The following FRMD3 variants were observed in gnomAD, a reference collection of about 807,000 sequenced individuals.
FRMD3 encodes FERM domain containing 3.
Under a neutral mutation model 70.2 loss-of-function variants are expected in FRMD3, and 33 were observed. That is an observed-to-expected ratio of 0.47 (90% CI 0.36 to 0.63). The LOEUF (loss-of-function observed/expected upper bound fraction) is 0.63. Ranked by LOEUF, FRMD3 falls within the 20% of genes least tolerant of loss-of-function variation. FRMD3 has a pLI of 0.00. For synonymous variants in FRMD3, 279 were observed against 255.9 expected, an observed-to-expected ratio of 1.09 and a Z score of -0.86; for missense variants, 632 against 711.4, an observed-to-expected ratio of 0.89 and a Z score of 1.27.
chr9:83,405,371 T>G (rs1294680906), intron 1 of FRMD3, among the ~76,000 whole-genome samples: 1 of 152,086 alleles, frequency 6.6e-6, no homozygotes, highest in Non-Finnish European at 1.5e-5. Context: ...GGGCTTACAG[T>G]GATCCACTTA....
chr9:83,443,040 T>C (rs1046001426), intron 1 of FRMD3, among the ~76,000 whole-genome samples: 1 of 152,212 alleles, frequency 6.6e-6, no homozygotes, highest in Non-Finnish European at 1.5e-5. Flanking sequence ...GATATAAATA[T>C]AGAAATAGTG....
chr9:83,352,130 A>G (rs1824182516), intron 3 of FRMD3, among the ~76,000 whole-genome samples: 1 of 152,184 alleles, frequency 6.6e-6, no homozygotes, highest in Non-Finnish European at 1.5e-5. Flanking sequence ...TTGTTTTCAC[A>G]CTTTTGCAAT....
chr9:83,483,914 CTG>C (rs1250353108), intron 1 of FRMD3, among the ~76,000 whole-genome samples: 1 of 152,112 alleles, frequency 6.6e-6, no homozygotes, highest in Non-Finnish European at 1.5e-5. Flanking sequence ...TGTTCTGAGC[CTG>C]TACTCTTCCT....
intron 1 of FRMD3, among the ~76,000 whole-genome samples, chr9:83,444,950 T>G (rs548154058): frequency 6.6e-6 from 1 of 152,358 alleles, no homozygotes; most frequent in African/African-American, 2.4e-5. Flanking sequence ...ATACCTGTGG[T>G]TGGCTCTTTC....
chr9:83,337,982 A>C (rs1228461481), intron 5 of FRMD3, among the ~76,000 whole-genome samples: 1 of 152,270 alleles, frequency 6.6e-6, no homozygotes, highest in Non-Finnish European at 1.5e-5. Flanking sequence ...AGAGATGACA[A>C]CTTGAAAGAA....
chr9:83,479,885 C>T (rs1328009539), intron 1 of FRMD3, among the ~76,000 whole-genome samples: 2 of 151,326 alleles, frequency 1.3e-5, no homozygotes. Context: ...TAAGTCAAGG[C>T]CACAGTGAGA....
chr9:83,346,606 G>A (rs1823973065), intron 4 of FRMD3, among the ~76,000 whole-genome samples: 1 of 152,172 alleles, frequency 6.6e-6, no homozygotes. Flanking sequence ...AAAATGTTTT[G>A]GAATCAGATC....
At chr9:83,557,068 T>A in the FRMD3 span, among the ~76,000 whole-genome samples, 1 of 152,144 alleles carries the variant, frequency 6.6e-6, no homozygotes, top group South Asian at 2.1e-4. Flanking sequence ...TATGAAAAGC[T>A]TTTAAATTAA....
At chr9:83,539,929 T>C (rs1829979206), upstream of FRMD3, among the ~76,000 whole-genome samples, 1 of 152,190 alleles carries the variant, frequency 6.6e-6, no homozygotes, top group African/African-American at 2.4e-5. Context: ...CTTCAAATGT[T>C]AGGGCAGATC....
chr9:83,243,055 G>T (rs1290256030), downstream of FRMD3: 28 of 735,414 alleles, frequency 3.8e-5, no homozygotes, highest in Non-Finnish European at 9.4e-6. Context: ...GCCTAAGCAA[G>T]GTTCCTTTCT....
chr9:83,296,641 A>G (rs1346722929), intron 12 of FRMD3, among the ~76,000 whole-genome samples: 1 of 152,192 alleles, frequency 6.6e-6, no homozygotes, highest in African/African-American at 2.4e-5. Flanking sequence ...GAACAGAAAG[A>G]GCATTCAAAG....
At chr9:83,414,796 C>G (rs1402139187) in intron 1 of FRMD3, among the ~76,000 whole-genome samples, 1 of 152,150 alleles carries the variant, frequency 6.6e-6, no homozygotes, top group Non-Finnish European at 1.5e-5. Context: ...ATCTTCATGC[C>G]TCCTGATTTG....
At chr9:83,350,639 G>GAAAAAAAAAAAA (rs1309757955) in intron 3 of FRMD3, 1 of 326,440 alleles carries the variant, frequency 3.1e-6, no homozygotes, top group African/African-American at 2.7e-5. Flanking sequence ...AAAAAAAAAA[G>GAAAAAAAAAAAA]AAAGAAAGAA....
rs200796985 is a variant in FRMD3, at chr9:83,248,528, C to T, written c.1196-12G>A. 464 of 1,532,478 alleles carry T rather than the reference C, an allele frequency of 3.0e-4. 4 individuals carry two copies. The African/African-American group carries it at 5.7e-3, about 19-fold the overall frequency. The allele number at this position is 1,532,478 out of a possible 1,614,324, so 94.9% of individuals were successfully genotyped here. A position where few individuals can be genotyped will look rare whatever the true frequency, so the allele number is the denominator to read the frequency against. On this transcript the variant is annotated splice_polypyrimidine_tract_variant and intron_variant, in intron 13 of 13. Coordinates refer to ENST00000304195, the MANE Select transcript of FRMD3 (RefSeq NM_174938.6). ...AGGCAATGGAACACCTGTAAAGAGA[C>T]ATTTTTTTTTCTAAATTTAAAATTT... is the stretch of plus-strand genomic sequence containing the variant.
chr9:83,372,109 G>A (rs186809748), intron 3 of FRMD3, among the ~76,000 whole-genome samples: 199 of 152,326 alleles, frequency 1.3e-3, no homozygotes, highest in Middle Eastern at 3.4e-3. Context: ...CCCTGGGAAA[G>A]TGGACGTGGA....
At position 83,350,741 on chromosome 9, in the gene FRMD3, C is replaced by T. The variant is rs1564029214; in HGVS notation, c.296-984G>A. ...TGAAGGGAAAATCCTATGTAGGCTG[C>T]AATTCTGGTTGAGGTTCATGATTCT... On this transcript the variant is annotated intron_variant, in intron 3 of 13. Coordinates refer to ENST00000304195, the MANE Select transcript of FRMD3 (RefSeq NM_174938.6). The T allele has an allele frequency of 4.1e-6, 4 of 982,652 alleles. No individual in the cohort carries two copies. In the South Asian group the frequency reaches 1.4e-4, roughly 35 times the overall value. The allele number at this position is 982,652 out of a possible 1,614,324, so 60.9% of individuals were successfully genotyped here. A position where few individuals can be genotyped will look rare whatever the true frequency, so the allele number is the denominator to read the frequency against.
intron 1 of FRMD3, among the ~76,000 whole-genome samples, chr9:83,458,819 C>T (rs1450507915): frequency 6.6e-6 from 1 of 151,830 alleles, no homozygotes; most frequent in Non-Finnish European, 1.5e-5. Context: ...AAAACAGACA[C>T]TAAATGAAAA....
intron 13 of FRMD3, among the ~76,000 whole-genome samples, chr9:83,269,313 C>A (rs528496772): frequency 2.4e-4 from 37 of 152,204 alleles, no homozygotes; most frequent in South Asian, 6.2e-4. Flanking sequence ...AAAGAGAAAA[C>A]AAGTAAAAAA....
chr9:83,256,556 C>T (rs1295945407), intron 13 of FRMD3, among the ~76,000 whole-genome samples: 1 of 151,996 alleles, frequency 6.6e-6, no homozygotes, highest in African/African-American at 2.4e-5. Context: ...GCAAAAGAAA[C>T]CATCATCAGA....
Sources: allele counts gnomAD v4.1 joint callset (sites outside exome capture counted in the v4.1 genomes callset), GRCh38; gene constraint gnomAD v4.1.1; transcripts MANE v1.5; gene names NCBI Gene and HGNC (gene_info 2026-07-23, HGNC 2026-07-21).